Variants in FURIN observed in about 807,000 individuals in gnomAD.
FURIN encodes the protein furin, paired basic amino acid cleaving enzyme, also known as FES upstream region.
A neutral mutation model predicts 89.2 loss-of-function variants in FURIN; 18 were observed. The ratio of observed to expected loss-of-function variants is 0.20; its 90% CI spans 0.14 to 0.30. The LOEUF (loss-of-function observed/expected upper bound fraction) is 0.30, where lower values mean the gene tolerates loss of function less well. Among genes scored for constraint, FURIN ranks in the 10% least tolerant of loss-of-function variants. FURIN has a pLI of 1.00. For missense variants in FURIN, 879 were observed against 1,100.5 expected, an observed-to-expected ratio of 0.80 and a Z score of 2.85; for synonymous variants, 508 against 466.4, an observed-to-expected ratio of 1.09 and a Z score of -1.15.
At position 90,880,291 on chromosome 15, in the gene FURIN, G is replaced by A. The variant is rs1393588726; in HGVS notation, c.1556+18G>A. ...GCAGCCAGGTGCTTGCTCTGTCCCTGCCCGCCCTGCCCAGCGCCGCCGCCT... is the reference window on the plus strand; with the variant it reads ...GCAGCCAGGTGCTTGCTCTGTCCCTACCCGCCCTGCCCAGCGCCGCCGCCT... On this transcript the variant is annotated intron_variant, in intron 13 of 15. Coordinates refer to ENST00000268171, the MANE Select transcript of FURIN (RefSeq NM_002569.4). 6.3e-7 allele frequency: 1 copy of A among 1,578,134 alleles called. No homozygotes were observed. Among genetic ancestry groups the A allele is most frequent in the Non-Finnish European group, 8.6e-7 (1 of 1,159,484 alleles).
At position 90,878,754 on chromosome 15, in the gene FURIN, C is replaced by G. The variant is rs1429022898; in HGVS notation, c.841-10C>G. 1.3e-6 allele frequency: 2 copies of G among 1,555,242 alleles called. No individual in the cohort carries two copies. The highest frequency in any genetic ancestry group is 2.2e-5 in the South Asian group (2 of 89,828). ...CAATCTTGAATGACCCCAGCCCACTCTGTCCACAGGGCCGAGGGGGGCTGG... is the reference window on the plus strand; with the variant it reads ...CAATCTTGAATGACCCCAGCCCACTGTGTCCACAGGGCCGAGGGGGGCTGG... On this transcript the variant is annotated splice_polypyrimidine_tract_variant and intron_variant, in intron 8 of 15. Transcript: ENST00000268171.
chr15:90,880,123 A>G lies in FURIN; in HGVS notation c.1406A>G (p.Lys469Arg), dbSNP rs749731351. Residue 469 changes from lysine (K) to arginine (R), a missense_variant, in exon 13 of 16, where the codon AAG becomes AGG. Physicochemically the swap from Lys to Arg is conservative, Grantham distance 26. This residue lies in a region of FURIN where 457 missense variants were observed against 490.7 expected (regional missense o/e 0.93). Coordinates refer to ENST00000268171, the MANE Select transcript of FURIN (RefSeq NM_002569.4). ...ATCGGGAAACGGCTCGAGGTGCGGAAGACCGTGACCGCGTGCCTGGGCGAG... is the reference window on the plus strand; with the variant it reads ...ATCGGGAAACGGCTCGAGGTGCGGAGGACCGTGACCGCGTGCCTGGGCGAG... ...KDIGKRLEVRKTVTACLGEPN... is the reference protein window; with the variant it reads ...KDIGKRLEVRRTVTACLGEPN... The G allele has an allele frequency of 1.2e-6, 2 of 1,608,362 alleles. No homozygotes were observed. Among genetic ancestry groups the G allele is most frequent in the African/African-American group, 1.3e-5 (1 of 74,878 alleles).
intron 1 of FURIN, among the ~76,000 whole-genome samples, chr15:90,873,645 G>A (rs1387818768): frequency 1.3e-5 from 2 of 151,706 alleles, no homozygotes; most frequent in South Asian, 2.1e-4. Flanking sequence ...TGGGGGGGGC[G>A]GTCCTTCCAT....
intron 1 of FURIN, among the ~76,000 whole-genome samples, chr15:90,870,365 G>T (rs766225042): frequency 1.1e-4 from 17 of 152,148 alleles, no homozygotes; most frequent in Non-Finnish European, 2.4e-4. Context: ...GGTACTTAAA[G>T]GAAAATGTAC....
In FURIN at chr15:90,881,280, C is replaced by T. The variant is rs1418312306; in HGVS notation, c.1793-6C>T. 6.3e-6 allele frequency: 10 copies of T among 1,583,298 alleles called. No homozygotes were observed. Among genetic ancestry groups the T allele is most frequent in the East Asian group, 2.3e-5 (1 of 44,440 alleles). Reference sequence around the variant, plus strand: ...CACACACTTGCCCTCTCTCCCACGCCGGCAGTGTGCGAGGAAGGCTTCTCC... The same window carrying T: ...CACACACTTGCCCTCTCTCCCACGCTGGCAGTGTGCGAGGAAGGCTTCTCC... On this transcript the variant is annotated splice_polypyrimidine_tract_variant and splice_region_variant and intron_variant, in intron 15 of 15. Coordinates refer to ENST00000268171, the MANE Select transcript of FURIN (RefSeq NM_002569.4). The surrounding 1 kb of genome is among the most constrained non-coding windows in gnomAD (Gnocchi z 4.3).
chr15:90,876,835 A>G lies in FURIN; in HGVS notation c.373-61A>G. On this transcript the variant is annotated intron_variant, in intron 4 of 15. Coordinates refer to ENST00000268171, the MANE Select transcript of FURIN (RefSeq NM_002569.4). This position sits in a 1 kb window ranked among gnomAD's most constrained non-coding sequence, Gnocchi z 5.0. ...TACGGGGGCAAAGGGATTCTTCAAG[A>G]TGCTCCTAGCCTCACAAAACCAATC... 1.3e-6 allele frequency: 2 copies of G among 1,578,232 alleles called. No homozygotes were observed. Among genetic ancestry groups the G allele is most frequent in the East Asian group, 4.5e-5 (2 of 44,530 alleles).
chr15:90,880,035 A>C (rs2031863211), intron 12 of FURIN, 51 bp downstream of exon 12: 1 of 1,603,966 alleles, frequency 6.2e-7, no homozygotes. Flanking sequence ...TGAGAGTCGC[A>C]GGGGGTGCCC....
chr15:90,872,745 C>G (rs1424747914), intron 1 of FURIN: 3 of 152,222 alleles, frequency 2.0e-5, no homozygotes, highest in Non-Finnish European at 4.4e-5. Flanking sequence ...GATAAATTCA[C>G]GGGAGCCTCC....
At position 90,875,614 on chromosome 15, in the gene FURIN, C is replaced by G. The variant is rs1020045636; in HGVS notation, c.-127C>G. 3.9e-6 allele frequency: 3 copies of G among 767,084 alleles called. No homozygotes were observed. The highest frequency in any genetic ancestry group is 3.0e-5 in the Admixed American group (1 of 33,020). The allele number at this position is 767,084 out of a possible 1,614,324, so 47.5% of individuals were successfully genotyped here. A position where few individuals can be genotyped will look rare whatever the true frequency, so the allele number is the denominator to read the frequency against. On this transcript the variant is annotated 5_prime_UTR_variant, in exon 2 of 16. Coordinates refer to ENST00000268171, the MANE Select transcript of FURIN (RefSeq NM_002569.4). The stretch of plus-strand genomic sequence containing the variant: ...ACTCTTCACCCTCCCGAGCCCTGCC[C>G]GTCTCGGCCCCATGCCCCCACCAGT...
chr15:90,876,485 G>T lies in FURIN; in HGVS notation c.300G>T (p.Val100=), dbSNP rs769474657. 14 of 1,613,610 alleles carry T rather than the reference G, an allele frequency of 8.7e-6. No individual in the cohort carries two copies. The highest frequency in any genetic ancestry group is 1.1e-5 in the Non-Finnish European group (13 of 1,179,710). Residue 100 remains valine (V), a synonymous_variant, in exon 4 of 16, where the codon GTG becomes GTT. Coordinates refer to ENST00000268171, the MANE Select transcript of FURIN (RefSeq NM_002569.4). This position sits in a 1 kb window ranked among gnomAD's most constrained non-coding sequence, Gnocchi z 5.0. ...AGGTACAGTGGCTGGAACAGCAGGT[G>T]GCAAAGCGACGGACTAAACGGGACG... ...EPQVQWLEQQ[V]AKRRTKRDVY...
In FURIN at chr15:90,876,353, A is replaced by C; in HGVS notation, c.276A>C (p.Gln92His). The change falls in exon 3 of 16, where the codon CAA (glutamine) becomes CAC (histidine). Residue 92 changes from glutamine to histidine, a missense_variant and splice_region_variant. By Grantham distance (24) the Gln-to-His change is conservative. Around this residue, in one of 5 missense-constraint regions of FURIN, gnomAD observed 125 missense variants for 125.0 expected, o/e 1.00. Transcript: ENST00000268171. This position sits in a 1 kb window ranked among gnomAD's most constrained non-coding sequence, Gnocchi z 5.0. ...ACAGCCGGCTGCAGAGGGAGCCTCA[A>C]GTGAGTGTGGCCCCAGCCCCCTCCT... is the stretch of plus-strand genomic sequence containing the variant. ...PRHSRLQREP[Q>H]VQWLEQQVAK... is the part of the protein sequence containing the mutation. 2 of 1,603,968 alleles carry C rather than the reference A, an allele frequency of 1.2e-6. No individual in the cohort carries two copies. The highest frequency in any genetic ancestry group is 1.7e-6 in the Non-Finnish European group (2 of 1,171,052).
In FURIN at chr15:90,877,635, AC is replaced by A. The variant is rs1212924574; in HGVS notation, c.667+23del. ...TTGGAGGTGAGTGTGGGCCTGGGCC[AC>A]CCTGTCTTCAGGAGGGCCCTTCAGT... is the stretch of plus-strand genomic sequence containing the variant. On this transcript the variant is annotated intron_variant, in intron 7 of 15. Transcript: ENST00000268171. 6.6e-7 allele frequency: 1 copy of A among 1,514,960 alleles called. No individual in the cohort carries two copies. Among genetic ancestry groups the A allele is most frequent in the Non-Finnish European group, 9.0e-7 (1 of 1,114,774 alleles). 93.8% of individuals were successfully genotyped at this position (1,514,960 alleles called of 1,614,324 possible).
chr15:90,869,529 A>G (rs1300850800), intron 1 of FURIN, among the ~76,000 whole-genome samples: 2 of 152,230 alleles, frequency 1.3e-5, no homozygotes, highest in East Asian at 1.9e-4. Context: ...GGTGAAGCAG[A>G]GAGAGGTGCT....
At position 90,876,184 on chromosome 15, in the gene FURIN, CCA is replaced by C; in HGVS notation, c.178-69_178-68del. 9.5e-7 allele frequency: 1 copy of C among 1,049,334 alleles called. No individual in the cohort carries two copies. The highest frequency in any genetic ancestry group is 1.4e-6 in the Non-Finnish European group (1 of 693,976). 65.0% of individuals were successfully genotyped at this position (1,049,334 alleles called of 1,614,324 possible). A position where few individuals can be genotyped will look rare whatever the true frequency, so the allele number is the denominator to read the frequency against. ...GGCGAGCCTCCCATGAAGCCGTTGTCCACCCCCGTCCCCCGCCTCCCGGGGAC... is the reference window on the plus strand; with the variant it reads ...GGCGAGCCTCCCATGAAGCCGTTGTCCCCCCGTCCCCCGCCTCCCGGGGAC... On this transcript the variant is annotated intron_variant, in intron 2 of 15. Transcript: ENST00000268171. This position sits in a 1 kb window ranked among gnomAD's most constrained non-coding sequence, Gnocchi z 5.0.
chr15:90,871,678 C>CGGCCG (rs1308851648), intron 1 of FURIN: 1 of 149,044 alleles, frequency 6.7e-6, no homozygotes, highest in Non-Finnish European at 1.5e-5. Context: ...CGAGGGGAGC[C>CGGCCG]GGCCGGGCCG....
At chr15:90,874,195 G>T (rs996848920) in intron 1 of FURIN, among the ~76,000 whole-genome samples, 1 of 152,260 alleles carries the variant, frequency 6.6e-6, no homozygotes, top group Non-Finnish European at 1.5e-5. Context: ...GGGGCACTAT[G>T]TGGGGACAGT....
intron 8 of FURIN, 42 bp from the exon 9 acceptor site, chr15:90,878,722 C>T (rs2031773337): frequency 1.6e-6 from 2 of 1,243,510 alleles, no homozygotes; most frequent in South Asian, 1.2e-5. Flanking sequence ...AGCCCTCCCT[C>T]AAGTCCCAAT....
In FURIN at chr15:90,877,567, A is replaced by T; in HGVS notation, c.619A>T (p.Asn207Tyr). 6.3e-7 allele frequency: 1 copy of T among 1,579,520 alleles called. No individual in the cohort carries two copies. Among genetic ancestry groups the T allele is most frequent in the Admixed American group, 1.8e-5 (1 of 54,642 alleles). The change falls in exon 7 of 16, where the codon AAC becomes TAC. Residue 207 changes from asparagine to tyrosine, a missense_variant. Around this residue, in one of 5 missense-constraint regions of FURIN, gnomAD observed 139 missense variants for 215.0 expected, o/e 0.65. Transcript: ENST00000268171. ...TGCGGGGGAAGTGGCTGCGGTGGCC[A>T]ACAACGGTGTCTGTGGTGTAGGTGT... ...RCAGEVAAVA[N>Y]NGVCGVGVAY... is the part of the protein sequence containing the mutation.
chr15:90,882,103 T>C lies in FURIN; in HGVS notation c.*225T>C. 1 of 539,442 alleles carries C rather than the reference T, an allele frequency of 1.9e-6. No individual in the cohort carries two copies. Among genetic ancestry groups the C allele is most frequent in the Non-Finnish European group, 3.3e-6 (1 of 303,698 alleles). 33.4% of individuals were successfully genotyped at this position (539,442 alleles called of 1,614,324 possible). Reference sequence around the variant, plus strand: ...CCCCACCCTCAGCACCCCTTCCATGTGGAGAAAGGAGTGAAACCTTTAGGG... The same window carrying C: ...CCCCACCCTCAGCACCCCTTCCATGCGGAGAAAGGAGTGAAACCTTTAGGG... On this transcript the variant is annotated 3_prime_UTR_variant, in exon 16 of 16. Coordinates refer to ENST00000268171, the MANE Select transcript of FURIN (RefSeq NM_002569.4).
Sources: gnomAD v4.1 joint callset for allele counts (sites outside exome capture counted in the v4.1 genomes callset) on GRCh38, gnomAD v4.1.1 for gene constraint, gnomAD v4.1.1 regional missense constraint, Gnocchi (gnomAD v3.1) non-coding constraint, MANE v1.5 for transcripts, NCBI Gene and HGNC (gene_info 2026-07-23, HGNC 2026-07-21) for gene names.